The following SLC26A4 variants were observed in gnomAD, a reference collection of about 807,000 sequenced individuals.
The protein encoded by SLC26A4 is pendrin.
SLC26A4 carries 93 observed loss-of-function variants against 90.4 expected under a neutral mutation model. That is an observed-to-expected ratio of 1.03 (90% CI 0.87 to 1.22). The LOEUF (loss-of-function observed/expected upper bound fraction) is 1.22. Ranked by LOEUF, SLC26A4 falls within the 50% of genes most tolerant of loss-of-function variation. The pLI is 0.00. For missense variants in SLC26A4, 1,127 were observed against 946.2 expected, an observed-to-expected ratio of 1.19 and a Z score of -2.51; for synonymous variants, 393 against 354.6, an observed-to-expected ratio of 1.11 and a Z score of -1.22.
At chr7:107,662,024 C>T (rs1790573750) in intron 2 of SLC26A4, 1 of 593,388 alleles carries the variant, frequency 1.7e-6, no homozygotes, top group Admixed American at 3.0e-5. Flanking sequence ...ATGAACTTAC[C>T]TGGGAAACTC....
intron 3 of SLC26A4, among the ~76,000 whole-genome samples, chr7:107,667,005 T>C (rs1790733756): frequency 6.6e-6 from 1 of 152,158 alleles, no homozygotes; most frequent in Non-Finnish European, 1.5e-5. Context: ...TGAGTGTGGA[T>C]GAAAATCACT....
chr7:107,672,319 T>C, intron 4 of SLC26A4, 71 bp downstream of exon 4: 4 of 823,812 alleles, frequency 4.9e-6, no homozygotes, highest in Admixed American at 1.9e-5. Flanking sequence ...AAGTGCATTA[T>C]ACCTCTATTA....
At chr7:107,675,498 A>C (rs2129312142) in intron 6 of SLC26A4, among the ~76,000 whole-genome samples, 1 of 150,904 alleles carries the variant, frequency 6.6e-6, no homozygotes, top group Non-Finnish European at 1.5e-5. Context: ...CAGAGCAAGA[A>C]CCTGTTTCAA....
intron 6 of SLC26A4, among the ~76,000 whole-genome samples, chr7:107,675,655 C>T (rs140598284): frequency 0.012 from 1,802 of 149,014 alleles, 43 homozygotes; most frequent in African/African-American, 0.043. Flanking sequence ...CTCACCACAA[C>T]CTCCACCTCC....
intron 3 of SLC26A4, among the ~76,000 whole-genome samples, chr7:107,669,635 T>A (rs1015009155): frequency 3.3e-5 from 5 of 152,230 alleles, no homozygotes; most frequent in Non-Finnish European, 7.3e-5. Flanking sequence ...TTTTCTAGAA[T>A]ACAAACTCCA....
intron 3 of SLC26A4, among the ~76,000 whole-genome samples, chr7:107,668,645 C>A (rs1046765993): frequency 6.6e-6 from 1 of 152,086 alleles, no homozygotes; most frequent in Non-Finnish European, 1.5e-5. Context: ...TCGATGCAAC[C>A]CTTGTAGTGC....
At chr7:107,704,432 C>G in intron 18 of SLC26A4, 47 bp downstream of exon 18, 1 of 838,956 alleles carries the variant, frequency 1.2e-6, no homozygotes, top group Non-Finnish European at 2.1e-6. Context: ...TTCCCGTAAG[C>G]CCTTTCTCCT....
chr7:107,661,603 G>A lies in SLC26A4; in HGVS notation c.-3-36G>A. The A allele has an allele frequency of 1.9e-6, 3 of 1,541,416 alleles. No individual in the cohort carries two copies. The highest frequency in any genetic ancestry group is 1.2e-5 in the South Asian group (1 of 84,252). On this transcript the variant is annotated intron_variant, in intron 1 of 20. Transcript: ENST00000644269. This position sits in a 1 kb window ranked among gnomAD's most constrained non-coding sequence, Gnocchi z 5.1. ...TCCCCTCCGATCGTCCTCGCTTACC[G>A]CGTGTCCTCCCTCCTCGCTGTCCTC...
At chr7:107,713,938 T>C (rs1792267578) in intron 20 of SLC26A4, among the ~76,000 whole-genome samples, 1 of 151,960 alleles carries the variant, frequency 6.6e-6, no homozygotes, top group African/African-American at 2.4e-5. Context: ...TATTTGTGAC[T>C]GAGTCTTACT....
chr7:107,712,206 C>A (rs550750497), intron 19 of SLC26A4, among the ~76,000 whole-genome samples: 1 of 152,286 alleles, frequency 6.6e-6, no homozygotes, highest in African/African-American at 2.4e-5. Context: ...GTGCTAAGTG[C>A]TCTTAGCTTA....
At chr7:107,700,458 T>C (rs1259811122) in intron 15 of SLC26A4, among the ~76,000 whole-genome samples, 1 of 152,198 alleles carries the variant, frequency 6.6e-6, no homozygotes, top group Non-Finnish European at 1.5e-5. Flanking sequence ...ATAAGTAGTA[T>C]AGACAGTTGA....
At chr7:107,712,115 T>C (rs1173316955) in intron 19 of SLC26A4, among the ~76,000 whole-genome samples, 2 of 152,220 alleles carry the variant, frequency 1.3e-5, no homozygotes, top group African/African-American at 4.8e-5. Context: ...ATAGAATTAA[T>C]TTCCACCCAA....
At chr7:107,675,242 G>T in intron 6 of SLC26A4, 133 bp downstream of exon 6, 2 of 656,078 alleles carry the variant, frequency 3.0e-6, no homozygotes, top group Non-Finnish European at 2.7e-6. Context: ...GAGGTGGGCA[G>T]ATTGCTTGAG....
At position 107,710,035 on chromosome 7, in the gene SLC26A4, T is replaced by C; in HGVS notation, c.2090-19T>C. On this transcript the variant is annotated intron_variant, in intron 18 of 20. Transcript: ENST00000644269. ...TCTTTTCCTAGGAACTAACAAAACA[T>C]TGTGTCTTTCTTTTGAAGATTATGT... is the stretch of plus-strand genomic sequence containing the variant. 1.2e-6 allele frequency: 2 copies of C among 1,609,828 alleles called. No individual in the cohort carries two copies. The highest frequency in any genetic ancestry group is 4.5e-5 in the East Asian group (2 of 44,838).
In SLC26A4 at chr7:107,694,644, T is replaced by G. The variant is rs1202682517; in HGVS notation, c.1365T>G (p.Ile455Met). ...LQKSVLAAVV[I>M]ANLKGMFMQL... ...AGTCGGTCTTGGCAGCTGTTGTAAT[T>G]GCCAACCTGAAAGGGATGTTTATGC... The change falls in exon 12 of 21, where the codon ATT becomes ATG. Residue 455 changes from isoleucine (I) to methionine (M), a missense_variant. Ile to Met is a conservative substitution (Grantham distance 10). Coordinates refer to ENST00000644269, the MANE Select transcript of SLC26A4 (RefSeq NM_000441.2). The G allele has an allele frequency of 6.2e-7, 1 of 1,613,584 alleles. No homozygotes were observed. The highest frequency in any genetic ancestry group is 8.5e-7 in the Non-Finnish European group (1 of 1,179,626).
At chr7:107,689,017 A>G (rs376837324) in intron 8 of SLC26A4, 36 bp from the exon 9 acceptor site, 42 of 1,612,480 alleles carry the variant, frequency 2.6e-5, no homozygotes, top group East Asian at 2.0e-4. Context: ...ATGGTGGTCA[A>G]ATCTTCACAG....
chr7:107,668,552 C>T (rs1790779464), intron 3 of SLC26A4, among the ~76,000 whole-genome samples: 1 of 152,126 alleles, frequency 6.6e-6, no homozygotes, highest in Admixed American at 6.6e-5. Flanking sequence ...GCTCAGGTTA[C>T]TGGGAAGCCA....
At chr7:107,678,353 G>A (rs936835198) in intron 6 of SLC26A4, among the ~76,000 whole-genome samples, 4 of 151,346 alleles carry the variant, frequency 2.6e-5, no homozygotes, top group Admixed American at 6.6e-5. Flanking sequence ...ACCTCACTGG[G>A]CAAACATTGC....
intron 6 of SLC26A4, among the ~76,000 whole-genome samples, chr7:107,677,608 A>ATT (rs770690458): frequency 0.011 from 1,585 of 143,382 alleles, 27 homozygotes; most frequent in African/African-American, 0.038. Flanking sequence ...TTAAAAAAGA[A>ATT]TTTTTTTTTT....
Sources: gnomAD v4.1 joint callset for allele counts (sites outside exome capture counted in the v4.1 genomes callset) on GRCh38, gnomAD v4.1.1 for gene constraint, Gnocchi (gnomAD v3.1) non-coding constraint, MANE v1.5 for transcripts, NCBI Gene and HGNC (gene_info 2026-07-23, HGNC 2026-07-21) for gene names.